The following APH1B variants were observed in gnomAD, a reference collection of about 807,000 sequenced individuals.
APH1B encodes aph-1B gamma-secretase subunit.
In APH1B, 27 loss-of-function variants were observed where a neutral mutation model predicts 28.2. The observed-to-expected ratio is 0.96, with a 90% CI of 0.70 to 1.32. The LOEUF is 1.32. Ranked by LOEUF, APH1B falls within the 40% of genes most tolerant of loss-of-function variation. The pLI, the probability that APH1B is intolerant of heterozygous loss-of-function variation, is 0.00. For synonymous variants in APH1B, 141 were observed against 124.6 expected (o/e 1.13, Z -0.88); for missense variants, 305 against 313.6 (o/e 0.97, Z 0.21).
At position 63,277,699 on chromosome 15, in the gene APH1B, G is replaced by T. The variant is rs1160207456; in HGVS notation, c.76G>T (p.Ala26Ser). Residue 26 changes from alanine to serine, a missense_variant, in exon 1 of 6, where the codon GCC becomes TCC. By Grantham distance (99) the Ala-to-Ser change is moderately conservative (BLOSUM62 1). Coordinates refer to ENST00000261879, the MANE Select transcript of APH1B (RefSeq NM_031301.4). ...GCTCGCCCTTTATGTCTTCACCATC[G>T]CCACCGAGCCGTTGCGTATCATCTT... ...PALALYVFTI[A>S]TEPLRIIFLI... The T allele has an allele frequency of 6.2e-7, 1 of 1,610,690 alleles. No individual in the cohort carries two copies. The highest frequency in any genetic ancestry group is 1.3e-5 in the African/African-American group (1 of 74,478).
chr15:63,282,100 A>T (rs2038395223), intron 2 of APH1B, among the ~76,000 whole-genome samples: 1 of 152,226 alleles, frequency 6.6e-6, no homozygotes, highest in Non-Finnish European at 1.5e-5. Context: ...TGTTATGTAG[A>T]TGTATTAAAA....
chr15:63,285,037 G>A (rs922755550), intron 2 of APH1B, among the ~76,000 whole-genome samples: 3 of 152,166 alleles, frequency 2.0e-5, no homozygotes, highest in Non-Finnish European at 4.4e-5. Context: ...GGACATTTTA[G>A]TTGGTTACTG....
intron 1 of APH1B, 188 bp downstream of exon 1, chr15:63,277,924 CTG>C: frequency 1.6e-6 from 1 of 606,730 alleles, no homozygotes; most frequent in Non-Finnish European, 2.8e-6. Context: ...GAAGCGCACA[CTG>C]GGGGTCAGGG....
At chr15:63,296,173 C>G (rs937789698) in intron 4 of APH1B, among the ~76,000 whole-genome samples, 8 of 152,210 alleles carry the variant, frequency 5.3e-5, no homozygotes, top group Non-Finnish European at 1.5e-5. Flanking sequence ...CCCACTTGTG[C>G]CAGCTGACTG....
chr15:63,302,291 C>A, intron 4 of APH1B, 54 bp from the exon 5 acceptor site: 1 of 1,598,216 alleles, frequency 6.3e-7, no homozygotes, highest in Non-Finnish European at 8.5e-7. Flanking sequence ...GTGCCAGGGT[C>A]CTCAGTGGTT....
At chr15:63,292,599 G>A (rs1052302286) in intron 4 of APH1B, among the ~76,000 whole-genome samples, 26 of 151,882 alleles carry the variant, frequency 1.7e-4, no homozygotes, top group African/African-American at 5.6e-4. Context: ...TATGTTGCCC[G>A]GGCTAGTCCC....
chr15:63,283,803 C>G (rs1467966432), intron 2 of APH1B, among the ~76,000 whole-genome samples: 1 of 152,160 alleles, frequency 6.6e-6, no homozygotes, highest in East Asian at 1.9e-4. Flanking sequence ...ATGTATTCTT[C>G]TGACAGTTTT....
chr15:63,304,983 CT>C lies in APH1B; in HGVS notation c.607-629del, dbSNP rs1449072802. 6.6e-6 allele frequency among the ~76,000 whole-genome samples: 1 copy of C among 152,200 alleles called. No homozygotes were observed. ...TCTTTGACAGCCCTAAGGAGATCAC[CT>C]TGTTTTTACCCATCCTAGCCTCATC... On this transcript the variant is annotated intron_variant, in intron 5 of 5. Transcript: ENST00000261879. This position sits in a 1 kb window ranked among gnomAD's most constrained non-coding sequence, Gnocchi z 5.1.
chr15:63,307,976 T>C lies in APH1B; in HGVS notation c.*2195T>C, dbSNP rs528023531. 13 of 152,384 alleles carry C rather than the reference T, an allele frequency of 8.5e-5. No homozygotes were observed. Among genetic ancestry groups the C allele is most frequent in the African/African-American group, 2.9e-4 (12 of 41,582 alleles). 9.4% of individuals were successfully genotyped at this position (152,384 alleles called of 1,614,324 possible). A position where few individuals can be genotyped will look rare whatever the true frequency, so the allele number is the denominator to read the frequency against. On this transcript the variant is annotated 3_prime_UTR_variant, in exon 6 of 6. Transcript: ENST00000261879. Reference sequence around the variant, plus strand: ...CTGATTTATCGTAAAACATGAGCCTTTCCAGAGTCAGCTTAGACACTGTTG... The same window carrying C: ...CTGATTTATCGTAAAACATGAGCCTCTCCAGAGTCAGCTTAGACACTGTTG...
chr15:63,300,733 G>T (rs1380745658), intron 4 of APH1B, among the ~76,000 whole-genome samples: 3 of 152,156 alleles, frequency 2.0e-5, no homozygotes, highest in Non-Finnish European at 4.4e-5. Flanking sequence ...GTTTACACCA[G>T]ATATAACAGC....
At chr15:63,289,984 C>T (rs917570717) in intron 4 of APH1B, among the ~76,000 whole-genome samples, 4 of 150,528 alleles carry the variant, frequency 2.7e-5, no homozygotes, top group African/African-American at 7.4e-5. Flanking sequence ...GCCTGAGTAA[C>T]AGAGGGATAC....
rs1401961802 is a variant in APH1B at position 63,277,657 on chromosome 15, A to T, written c.34A>T (p.Ile12Phe). The T allele has an allele frequency of 6.2e-7, 1 of 1,601,218 alleles. No homozygotes were observed. The highest frequency in any genetic ancestry group is 1.1e-5 in the South Asian group (1 of 90,308). ...TAAVFFGCAFIAFGPALALYV... is the reference protein window; with the variant it reads ...TAAVFFGCAFFAFGPALALYV... ...GGCCGTGTTCTTCGGCTGCGCCTTC[A>T]TTGCCTTCGGGCCTGCGCTCGCCCT... The change falls in exon 1 of 6, where the codon ATT (isoleucine) becomes TTT (phenylalanine). Residue 12 changes from isoleucine (I) to phenylalanine (F), a missense_variant. Physicochemically the swap from Ile to Phe is conservative, Grantham distance 21 (BLOSUM62 0). Coordinates refer to ENST00000261879, the MANE Select transcript of APH1B (RefSeq NM_031301.4).
intron 3 of APH1B, 116 bp from the exon 4 acceptor site, chr15:63,287,308 C>A: frequency 1.4e-6 from 2 of 1,415,086 alleles, no homozygotes; most frequent in South Asian, 1.4e-5. Context: ...TCCACTGCTT[C>A]AGGAAGAACA....
intron 4 of APH1B, among the ~76,000 whole-genome samples, chr15:63,296,199 G>A (rs571587278): frequency 6.6e-6 from 1 of 152,214 alleles, no homozygotes; most frequent in Non-Finnish European, 1.5e-5. Context: ...TCTCTCAAGA[G>A]TCTGGAGAGT....
Position 63,277,657 on chromosome 15 carries a change from A to C in APH1B, c.34A>C (p.Ile12Leu), listed in dbSNP as rs1401961802. 8.1e-6 allele frequency: 13 copies of C among 1,601,216 alleles called. No homozygotes were observed. Among genetic ancestry groups the C allele is most frequent in the Non-Finnish European group, 1.1e-5 (13 of 1,174,746 alleles). The part of the protein sequence containing the change: ...TAAVFFGCAF[I>L]AFGPALALYV... Reference sequence around the variant, plus strand: ...GGCCGTGTTCTTCGGCTGCGCCTTCATTGCCTTCGGGCCTGCGCTCGCCCT... The same window carrying C: ...GGCCGTGTTCTTCGGCTGCGCCTTCCTTGCCTTCGGGCCTGCGCTCGCCCT... Residue 12 changes from isoleucine to leucine, a missense_variant, in exon 1 of 6, where the codon ATT (isoleucine) becomes CTT (leucine). Ile to Leu is a conservative substitution (Grantham distance 5). Coordinates refer to ENST00000261879, the MANE Select transcript of APH1B (RefSeq NM_031301.4).
At chr15:63,289,702 CA>C (rs1198804248) in intron 4 of APH1B, among the ~76,000 whole-genome samples, 1 of 152,170 alleles carries the variant, frequency 6.6e-6, no homozygotes, top group Non-Finnish European at 1.5e-5. Flanking sequence ...ATATGAAATG[CA>C]AATGAATTTC....
intron 3 of APH1B, 81 bp downstream of exon 3, chr15:63,286,709 A>G: frequency 1.5e-6 from 2 of 1,319,652 alleles, no homozygotes; most frequent in South Asian, 1.3e-5. Context: ...GTATCTTTGT[A>G]GATTTCAAGT....
At chr15:63,305,150 C>T (rs1048681975) in intron 5 of APH1B, among the ~76,000 whole-genome samples, 2 of 152,238 alleles carry the variant, frequency 1.3e-5, no homozygotes, top group Non-Finnish European at 2.9e-5. Flanking sequence ...CAGTACCTCT[C>T]AGCATTCCAT....
At chr15:63,297,560 A>G (rs2038580907) in intron 4 of APH1B, among the ~76,000 whole-genome samples, 1 of 152,092 alleles carries the variant, frequency 6.6e-6, no homozygotes, top group African/African-American at 2.4e-5. Flanking sequence ...ATTAGAACAA[A>G]GCAAATTTGG....
Sources: allele counts gnomAD v4.1 joint callset (sites outside exome capture counted in the v4.1 genomes callset), GRCh38; gene constraint gnomAD v4.1.1; non-coding constraint Gnocchi (gnomAD v3.1); transcripts MANE v1.5; gene names NCBI Gene and HGNC (gene_info 2026-07-23, HGNC 2026-07-21).